The following PDGFRB variants were observed in gnomAD, a reference collection of about 807,000 sequenced individuals.
PDGFRB encodes platelet derived growth factor receptor beta, also known as platelet-derived growth factor receptor beta.
A neutral mutation model predicts 120.2 loss-of-function variants in PDGFRB; 42 were observed. The ratio of observed to expected loss-of-function variants is 0.35; its 90% CI spans 0.27 to 0.45. PDGFRB has a LOEUF of 0.45. Ranked by LOEUF, PDGFRB falls within the 20% of genes least tolerant of loss-of-function variation. The pLI, the probability that PDGFRB is intolerant of heterozygous loss-of-function variation, is 1.00. For missense variants in PDGFRB, 1,149 were observed against 1,476.3 expected (o/e 0.78, Z 3.63); for synonymous variants, 586 against 606.8 (o/e 0.97, Z 0.50).
Position 150,132,853 on chromosome 5 carries a change from C to A in PDGFRB, c.1024G>T (p.Ala342Ser). The stretch of plus-strand genomic sequence containing the variant: ...CACAGGACAGTGGGCGGTGGGTAGG[C>A]CTCGAACACTACCTGCAGTGTCCGG... ...RSRTLQVVFE[A>S]YPPPTVLWFK... is the part of the protein sequence containing the mutation. Residue 342 changes from alanine (A) to serine (S), a missense_variant, in exon 7 of 23, where the codon GCC (alanine) becomes TCC (serine). Coordinates refer to ENST00000261799, the MANE Select transcript of PDGFRB (RefSeq NM_002609.4). The surrounding 1 kb of genome is among the most constrained non-coding windows in gnomAD (Gnocchi z 5.0). 2 of 1,608,144 alleles carry A rather than the reference C, an allele frequency of 1.2e-6. No homozygotes were observed. Among genetic ancestry groups the A allele is most frequent in the Non-Finnish European group, 1.7e-6 (2 of 1,177,674 alleles).
chr5:150,127,513 C>G (rs1189321775), intron 10 of PDGFRB, among the ~76,000 whole-genome samples: 1 of 152,196 alleles, frequency 6.6e-6, no homozygotes, highest in African/African-American at 2.4e-5. Context: ...TGTTGAATTA[C>G]TAAGTGAATG....
chr5:150,133,606 G>A lies in PDGFRB; in HGVS notation c.914C>T (p.Ala305Val), dbSNP rs745687156. Residue 305 changes from alanine (A) to valine (V), a missense_variant, in exon 6 of 23, where the codon GCC becomes GTC. Ala to Val is a moderately conservative substitution (Grantham distance 64). Coordinates refer to ENST00000261799, the MANE Select transcript of PDGFRB (RefSeq NM_002609.4). Reference sequence around the variant, plus strand: ...CACACCAACCACGGTGATGTTGATGGCCTTTTCATCCTGATGGTCATTCAC... The same window carrying A: ...CACACCAACCACGGTGATGTTGATGACCTTTTCATCCTGATGGTCATTCAC... ...ESVNDHQDEK[A>V]INITVVESGY... is the part of the protein sequence containing the mutation. 2.5e-6 allele frequency: 4 copies of A among 1,614,032 alleles called. No homozygotes were observed. The highest frequency in any genetic ancestry group is 3.4e-6 in the Non-Finnish European group (4 of 1,179,896).
In PDGFRB at chr5:150,155,763, C is replaced by T; in HGVS notation, c.-373G>A. 2.5e-6 allele frequency: 1 copy of T among 398,590 alleles called. No homozygotes were observed. The highest frequency in any genetic ancestry group is 4.4e-6 in the Non-Finnish European group (1 of 226,124). 24.7% of individuals were successfully genotyped at this position (398,590 alleles called of 1,614,324 possible). ...CTGAGGGGCCGGCTCTCTCCTCCTC[C>T]TTGTTGATCTCCTCTCTGGCTCCAA... is the stretch of plus-strand genomic sequence containing the variant. On this transcript the variant is annotated 5_prime_UTR_variant, in exon 1 of 23. Coordinates refer to ENST00000261799, the MANE Select transcript of PDGFRB (RefSeq NM_002609.4).
intron 1 of PDGFRB, among the ~76,000 whole-genome samples, chr5:150,150,977 G>A (rs1255977063): frequency 6.6e-6 from 1 of 152,176 alleles, no homozygotes. Flanking sequence ...GGGCATGTGG[G>A]AACTGTAGGA....
At chr5:150,126,323 C>T (rs1159700670) in intron 11 of PDGFRB, among the ~76,000 whole-genome samples, 197 bp downstream of exon 11, 1 of 152,046 alleles carries the variant, frequency 6.6e-6, no homozygotes, top group Non-Finnish European at 1.5e-5. Context: ...CTGGATAGCT[C>T]GGGCCAGGCT....
rs554867168 is a variant in PDGFRB, at chr5:150,146,526, G to C, written c.-7+8871C>G. ...GGAACGGGAATGCAAACTCAGGCCG[G>C]CCTGACTCCAAAGCCTATATTCTTT... On this transcript the variant is annotated intron_variant, in intron 1 of 22. Coordinates refer to ENST00000261799, the MANE Select transcript of PDGFRB (RefSeq NM_002609.4). 5.9e-5 allele frequency among the ~76,000 whole-genome samples: 9 copies of C among 152,258 alleles called. No homozygotes were observed. The South Asian group carries it at 1.7e-3, about 28-fold the overall frequency.
chr5:150,146,727 C>T (rs1760934240), intron 1 of PDGFRB, among the ~76,000 whole-genome samples: 1 of 152,178 alleles, frequency 6.6e-6, no homozygotes, highest in Non-Finnish European at 1.5e-5. Context: ...ACTGCCAAAA[C>T]CTGAATTCTT....
At chr5:150,147,776 C>G (rs1422576631) in intron 1 of PDGFRB, among the ~76,000 whole-genome samples, 1 of 152,182 alleles carries the variant, frequency 6.6e-6, no homozygotes, top group African/African-American at 2.4e-5. Flanking sequence ...TCAGTTTTCT[C>G]ATCTGTAGAT....
chr5:150,117,529 CGCGCGCGCGCGCGCGCACACA>C, intron 22 of PDGFRB, 68 bp downstream of exon 22: 1 of 434,698 alleles, frequency 2.3e-6, no homozygotes, highest in East Asian at 3.4e-5. Flanking sequence ...AACCTGGCAG[CGCGCGCGCGCGCGCGCACACA>C]CACACACACA....
chr5:150,135,040 A>C lies in PDGFRB; in HGVS notation c.365-24T>G, dbSNP rs759570957. On this transcript the variant is annotated intron_variant, in intron 3 of 22. Transcript: ENST00000261799. ...ATCTGCCAGGAGTGGAGCCGTGAAT[A>C]AATCAGGGGAACTGGGTTTCTGGCC... 11 of 1,270,234 alleles carry C rather than the reference A, an allele frequency of 8.7e-6. No homozygotes were observed. The East Asian group carries it at 2.1e-4, about 24-fold the overall frequency. 78.7% of individuals were successfully genotyped at this position (1,270,234 alleles called of 1,614,324 possible).
chr5:150,116,348 C>T (rs180775370), intron 22 of PDGFRB, among the ~76,000 whole-genome samples: 4 of 152,146 alleles, frequency 2.6e-5, no homozygotes, highest in Non-Finnish European at 4.4e-5. Context: ...CGTGGTGGCT[C>T]ACATCTGTAA....
At chr5:150,139,937 G>T (rs577572292) in intron 1 of PDGFRB, among the ~76,000 whole-genome samples, 1 of 150,490 alleles carries the variant, frequency 6.6e-6, no homozygotes, top group African/African-American at 2.5e-5. Flanking sequence ...CTGAGATCAC[G>T]CCACTACACT....
intron 1 of PDGFRB, among the ~76,000 whole-genome samples, chr5:150,142,595 G>A: frequency 6.7e-6 from 1 of 150,174 alleles, no homozygotes; most frequent in South Asian, 2.1e-4. Flanking sequence ...CCTGGCTCTA[G>A]TCCCGGCTGT....
At chr5:150,142,441 A>C (rs1049181646) in intron 1 of PDGFRB, among the ~76,000 whole-genome samples, 5 of 152,178 alleles carry the variant, frequency 3.3e-5, no homozygotes, top group Non-Finnish European at 7.3e-5. Flanking sequence ...TGAGACTCAG[A>C]GGAGGTAATT....
intron 1 of PDGFRB, among the ~76,000 whole-genome samples, chr5:150,140,444 C>A (rs1760754263): frequency 6.6e-6 from 1 of 152,196 alleles, no homozygotes; most frequent in Non-Finnish European, 1.5e-5. Context: ...CCTAGGTGTC[C>A]CCCTTTTGCC....
intron 8 of PDGFRB, 37 bp from the exon 9 acceptor site, chr5:150,130,699 G>A (rs1760441022): frequency 1.9e-6 from 3 of 1,606,450 alleles, no homozygotes; most frequent in South Asian, 2.2e-5. Context: ...AGGCGGGAGG[G>A]TCAGGACAGT....
At chr5:150,128,913 G>T (rs770501220) in intron 10 of PDGFRB, among the ~76,000 whole-genome samples, 12 of 152,240 alleles carry the variant, frequency 7.9e-5, no homozygotes, top group Middle Eastern at 6.8e-3. Context: ...CATATTTATC[G>T]AATGAAGAAG....
intron 1 of PDGFRB, among the ~76,000 whole-genome samples, chr5:150,145,922 C>T (rs529923453): frequency 6.6e-6 from 1 of 152,112 alleles, no homozygotes; most frequent in Non-Finnish European, 1.5e-5. Context: ...TATCTTTTCG[C>T]CTTCTTTGTC....
chr5:150,115,099 GGCT>G lies in PDGFRB; in HGVS notation c.*661_*663del. On this transcript the variant is annotated 3_prime_UTR_variant, in exon 23 of 23. Coordinates refer to ENST00000261799, the MANE Select transcript of PDGFRB (RefSeq NM_002609.4). The stretch of plus-strand genomic sequence containing the variant: ...GTGTGCTCCAAGTGCCCTGGGCAAG[GGCT>G]GCAGGCTGGGGGTGTCCTGTACTTG... 4.3e-6 allele frequency: 1 copy of G among 233,208 alleles called. No homozygotes were observed. The allele number at this position is 233,208 out of a possible 1,614,324, so 14.4% of individuals were successfully genotyped here. A position where few individuals can be genotyped will look rare whatever the true frequency, so the allele number is the denominator to read the frequency against.
Sources: allele counts gnomAD v4.1 joint callset (sites outside exome capture counted in the v4.1 genomes callset), GRCh38; gene constraint gnomAD v4.1.1; non-coding constraint Gnocchi (gnomAD v3.1); transcripts MANE v1.5; gene names NCBI Gene and HGNC (gene_info 2026-07-23, HGNC 2026-07-21).